The following UQCC2 variants were observed in gnomAD, a reference collection of about 807,000 sequenced individuals.
The protein encoded by UQCC2 is breast cancer-associated protein SGA-81M.
A neutral mutation model predicts 19.9 loss-of-function variants in UQCC2; 21 were observed. That is an observed-to-expected ratio of 1.05 (90% CI 0.75 to 1.52). The LOEUF (loss-of-function observed/expected upper bound fraction) is 1.52. UQCC2 is among the 40% of genes most tolerant of loss of function. The pLI is 0.00. For missense variants in UQCC2, 135 were observed against 157.5 expected, an observed-to-expected ratio of 0.86 and a Z score of 0.76; for synonymous variants, 57 against 60.9, an observed-to-expected ratio of 0.94 and a Z score of 0.30.
chr6:33,711,625 G>T lies in UQCC2; in HGVS notation c.62C>A (p.Thr21Asn), dbSNP rs2127339871. 1 of 1,614,056 alleles carries T rather than the reference G, an allele frequency of 6.2e-7. No homozygotes were observed. The highest frequency in any genetic ancestry group is 1.1e-5 in the South Asian group (1 of 91,086). Residue 21 changes from threonine to asparagine, a missense_variant, in exon 1 of 4, where the codon ACC becomes AAC. Transcript: ENST00000607484. ...KLCEEWPVDE[T>N]KRGRDLGAYL... ...AGCGCCCAAGTCCCGGCCCCGTTTG[G>T]TCTCGTCCACTGGCCATTCCTCACA...
chr6:33,703,048 AT>A (rs1320470131), intron 1 of UQCC2, among the ~76,000 whole-genome samples: 1 of 152,264 alleles, frequency 6.6e-6, no homozygotes, highest in Non-Finnish European at 1.5e-5. Context: ...TAATAAAGTC[AT>A]TATCTGAGTG....
At chr6:33,709,025 C>T (rs963329626) in intron 1 of UQCC2, among the ~76,000 whole-genome samples, 1 of 152,196 alleles carries the variant, frequency 6.6e-6, no homozygotes, top group Non-Finnish European at 1.5e-5. Flanking sequence ...CCTGTGTGGG[C>T]CTTTGACTGA....
At chr6:33,701,908 AAGC>A (rs1473169750) in intron 1 of UQCC2, among the ~76,000 whole-genome samples, 1 of 150,580 alleles carries the variant, frequency 6.6e-6, no homozygotes, top group South Asian at 2.1e-4. Context: ...GAAGGTCAGC[AAGC>A]AGAAGGGAGA....
At position 33,697,537 on chromosome 6, in the gene UQCC2, G is replaced by C. The variant is rs917919405; in HGVS notation, c.*116C>G. The C allele has an allele frequency of 1.5e-5, 11 of 735,496 alleles. No homozygotes were observed. The highest frequency in any genetic ancestry group is 2.0e-5 in the Non-Finnish European group (9 of 457,510). 45.6% of individuals were successfully genotyped at this position (735,496 alleles called of 1,614,324 possible). ...AGAGCAGCAAGGGCTTCCTTTCTGGGAAAGCTAGAGGAGATTCCCAAACCG... is the reference window on the plus strand; with the variant it reads ...AGAGCAGCAAGGGCTTCCTTTCTGGCAAAGCTAGAGGAGATTCCCAAACCG... On this transcript the variant is annotated 3_prime_UTR_variant, in exon 4 of 4. Coordinates refer to ENST00000607484, the MANE Select transcript of UQCC2 (RefSeq NM_032340.4).
chr6:33,705,368 T>C (rs1765688504), intron 1 of UQCC2, among the ~76,000 whole-genome samples: 1 of 152,052 alleles, frequency 6.6e-6, no homozygotes, highest in Non-Finnish European at 1.5e-5. Context: ...AAAGAGACAG[T>C]CTCCTAGAGA....
At chr6:33,700,649 C>T (rs778091401) in intron 2 of UQCC2, 136 bp from the exon 3 acceptor site, 3 of 841,340 alleles carry the variant, frequency 3.6e-6, no homozygotes, top group South Asian at 1.5e-5. Context: ...AGCGCCACCT[C>T]GAGGTCAAGA....
chr6:33,702,995 GAGGA>G (rs1237434823), intron 1 of UQCC2, among the ~76,000 whole-genome samples: 1 of 152,230 alleles, frequency 6.6e-6, no homozygotes, highest in African/African-American at 2.4e-5. Context: ...TACATCAGAA[GAGGA>G]AGGATTATGG....
intron 3 of UQCC2, 76 bp downstream of exon 3, chr6:33,700,368 T>C: frequency 6.5e-7 from 1 of 1,527,316 alleles, no homozygotes; most frequent in Non-Finnish European, 9.1e-7. Flanking sequence ...ACTGTCTTCT[T>C]AGACAATTCC....
intron 2 of UQCC2, among the ~76,000 whole-genome samples, 174 bp from the exon 3 acceptor site, chr6:33,700,687 T>C (rs949974957): frequency 6.6e-6 from 1 of 152,142 alleles, no homozygotes; most frequent in Admixed American, 6.6e-5. Flanking sequence ...CAGTACAGTC[T>C]CCAGGAGGCA....
At chr6:33,707,642 T>C (rs1446348178) in intron 1 of UQCC2, among the ~76,000 whole-genome samples, 4 of 152,116 alleles carry the variant, frequency 2.6e-5, no homozygotes, top group African/African-American at 7.2e-5. Context: ...CCCCTCGGAG[T>C]TGCACCTTGT....
intron 1 of UQCC2, among the ~76,000 whole-genome samples, chr6:33,704,160 G>T (rs1765672288): frequency 6.6e-6 from 1 of 152,222 alleles, no homozygotes; most frequent in Non-Finnish European, 1.5e-5. Context: ...GTTATTAGTA[G>T]TAAAGAGTTG....
At chr6:33,700,646 C>T in intron 2 of UQCC2, 133 bp from the exon 3 acceptor site, 1 of 864,952 alleles carries the variant, frequency 1.2e-6, no homozygotes, top group Non-Finnish European at 1.9e-6. Context: ...AGCAGCGCCA[C>T]CTCGAGGTCA....
chr6:33,701,636 A>G (rs974549762), intron 1 of UQCC2, among the ~76,000 whole-genome samples: 1 of 152,056 alleles, frequency 6.6e-6, no homozygotes, highest in Admixed American at 6.6e-5. Flanking sequence ...CAACTCCCCA[A>G]CCTACAGAAA....
chr6:33,697,572 G>C lies in UQCC2; in HGVS notation c.*81C>G, dbSNP rs1489329564. 1.8e-6 allele frequency: 2 copies of C among 1,081,698 alleles called. No individual in the cohort carries two copies. Among genetic ancestry groups the C allele is most frequent in the Non-Finnish European group, 2.7e-6 (2 of 742,110 alleles). The allele number at this position is 1,081,698 out of a possible 1,614,324, so 67.0% of individuals were successfully genotyped here. A position where few individuals can be genotyped will look rare whatever the true frequency, so the allele number is the denominator to read the frequency against. On this transcript the variant is annotated 3_prime_UTR_variant, in exon 4 of 4. Transcript: ENST00000607484. ...GGAGATTCCCAAACCGTAAGGTCAA[G>C]GGGAAACTGGGGCAGTTTTATTGAC... is the stretch of plus-strand genomic sequence containing the variant.
intron 1 of UQCC2, 108 bp from the exon 2 acceptor site, chr6:33,701,528 C>A: frequency 1.8e-6 from 2 of 1,086,474 alleles, no homozygotes; most frequent in South Asian, 1.7e-5. Context: ...ATGAAGCAGG[C>A]CTGCAGCTAG....
intron 1 of UQCC2, among the ~76,000 whole-genome samples, chr6:33,710,600 T>C (rs559929250): frequency 6.6e-6 from 1 of 152,304 alleles, no homozygotes; most frequent in South Asian, 2.1e-4. Flanking sequence ...CTATGTGTCA[T>C]CTCCTCAGAA....
chr6:33,698,101 C>A lies in UQCC2; in HGVS notation c.284-351G>T, dbSNP rs187612768. 1.8e-4 allele frequency: 37 copies of A among 201,766 alleles called. 1 individual carries two copies. The East Asian group carries it at 3.0e-3, about 16-fold the overall frequency. 12.5% of individuals were successfully genotyped at this position (201,766 alleles called of 1,614,324 possible). ...GCTGTGCAACCCACAGACCCAGATG[C>A]TTCATCGCAAAATTTGGCCTGCTCC... is the stretch of plus-strand genomic sequence containing the variant. On this transcript the variant is annotated intron_variant, in intron 3 of 3. Transcript: ENST00000607484.
At chr6:33,710,645 T>A (rs1158307265) in intron 1 of UQCC2, among the ~76,000 whole-genome samples, 2 of 152,244 alleles carry the variant, frequency 1.3e-5, no homozygotes, top group Non-Finnish European at 2.9e-5. Flanking sequence ...TTTATCACGC[T>A]ACCCTATTTT....
chr6:33,704,328 G>A (rs1259103260), intron 1 of UQCC2, among the ~76,000 whole-genome samples: 1 of 152,226 alleles, frequency 6.6e-6, no homozygotes, highest in Admixed American at 6.5e-5. Context: ...GAGGATGGGC[G>A]CATGTACCGG....
Sources: allele counts gnomAD v4.1 joint callset (sites outside exome capture counted in the v4.1 genomes callset), GRCh38; gene constraint gnomAD v4.1.1; transcripts MANE v1.5; gene names NCBI Gene and HGNC (gene_info 2026-07-23, HGNC 2026-07-21).